Variants in KALRN observed in about 807,000 individuals in gnomAD.
KALRN encodes the protein kalirin.
KALRN carries 70 observed loss-of-function variants against 353.7 expected under a neutral mutation model. That is an observed-to-expected ratio of 0.20 (90% CI 0.16 to 0.24). The LOEUF is 0.24. KALRN is among the 10% of genes least tolerant of loss of function. The pLI is 1.00. For missense variants in KALRN, 2,791 were observed against 3,756.7 expected (o/e 0.74, Z 6.72); for synonymous variants, 1,391 against 1,434.8 (o/e 0.97, Z 0.69).
At chr3:124,455,015 C>A in intron 21 of KALRN, 162 bp from the exon 22 acceptor site, 1 of 657,010 alleles carries the variant, frequency 1.5e-6, no homozygotes, top group Non-Finnish European at 2.6e-6. Flanking sequence ...GTTTCAATAA[C>A]TTGCTCGAGA....
chr3:124,390,187 A>C (rs1412679018), intron 11 of KALRN, among the ~76,000 whole-genome samples: 1 of 152,220 alleles, frequency 6.6e-6, no homozygotes, highest in Admixed American at 6.5e-5. Context: ...GCCCTGCAGA[A>C]ATTGTCATCA....
intron 5 of KALRN, among the ~76,000 whole-genome samples, chr3:124,287,796 T>G (rs1385967742): frequency 1.1e-4 from 2 of 18,284 alleles, no homozygotes; most frequent in Non-Finnish European, 2.5e-4. Flanking sequence ...TATATATATA[T>G]ATATATATAT....
At chr3:124,195,563 C>T (rs2075347420) in intron 1 of KALRN, among the ~76,000 whole-genome samples, 1 of 152,136 alleles carries the variant, frequency 6.6e-6, no homozygotes, top group South Asian at 2.1e-4. Flanking sequence ...TGTAGAATCA[C>T]CTGTCTTATC....
intron 37 of KALRN, among the ~76,000 whole-genome samples, chr3:124,639,470 T>C (rs779674985): frequency 1.3e-5 from 2 of 152,230 alleles, no homozygotes; most frequent in African/African-American, 2.4e-5. Context: ...TCTTTTACAC[T>C]TAGTGGGTTT....
chr3:124,467,971 T>G (rs540760042), intron 25 of KALRN, among the ~76,000 whole-genome samples: 1 of 151,184 alleles, frequency 6.6e-6, no homozygotes, highest in Non-Finnish European at 1.5e-5. Context: ...GTCAGGCAGG[T>G]AGGTAGGTAG....
intron 10 of KALRN, among the ~76,000 whole-genome samples, chr3:124,368,721 T>C (rs1037062111): frequency 2.1e-5 from 3 of 144,206 alleles, no homozygotes; most frequent in Non-Finnish European, 3.0e-5. Flanking sequence ...GGCTGGGAGG[T>C]GTAGGTTGTA....
rs750974 is a variant in KALRN at position 124,284,558 on chromosome 3, C to T, written c.970-14233C>T. Among the ~76,000 whole-genome samples, 5,927 of 152,218 alleles carry T rather than the reference C, an allele frequency of 0.039. 772 individuals carry two copies. The East Asian group carries it at 0.48, about 12-fold the overall frequency. ...TCCTCTACTGTCAGCCCACAGTATA[C>T]GTCTCTTATAGTATTTTTCACATTT... On this transcript the variant is annotated intron_variant, in intron 5 of 59. Coordinates refer to ENST00000682506, the MANE Select transcript of KALRN (RefSeq NM_001388419.1).
chr3:124,239,354 T>C (rs1560325207), intron 3 of KALRN, among the ~76,000 whole-genome samples: 1 of 152,200 alleles, frequency 6.6e-6, no homozygotes, highest in Non-Finnish European at 1.5e-5. Context: ...TGGGTTACTT[T>C]TATTGCATTG....
intron 49 of KALRN, among the ~76,000 whole-genome samples, chr3:124,676,255 GTCATTTTGATTTCTTGTCAGCCGC>G (rs1451483748): frequency 6.6e-6 from 1 of 152,134 alleles, no homozygotes; most frequent in Non-Finnish European, 1.5e-5. Context: ...ATACAAATGG[GTCATTTTGATTTCTTGTCAGCCGC>G]TCTTGCAAAA....
intron 1 of KALRN, among the ~76,000 whole-genome samples, chr3:124,056,200 G>A (rs1291104193): frequency 1.3e-5 from 2 of 152,200 alleles, no homozygotes; most frequent in Non-Finnish European, 2.9e-5. Context: ...AGTTGAGGGG[G>A]CATTTTACAG....
Position 124,693,807 on chromosome 3 carries a change from T to G in KALRN, c.7381T>G (p.Leu2461Val). 3.2e-6 allele frequency: 5 copies of G among 1,569,140 alleles called. No individual in the cohort carries two copies. The highest frequency in any genetic ancestry group is 4.4e-6 in the Non-Finnish European group (5 of 1,146,432). Residue 2461 changes from leucine (L) to valine (V), a missense_variant, in exon 52 of 60, where the codon TTA becomes GTA. Leu to Val is a conservative substitution (Grantham distance 32, BLOSUM62 1). Transcript: ENST00000682506. The part of the protein sequence containing the change: ...DLDPNTSMEI[L>V]NPNFIQEVAP... ...TCTGTGTCTTTTTGTTTTTCAGATC[T>G]TAAATCCAAATTTCATCCAAGAAGG...
intron 32 of KALRN, among the ~76,000 whole-genome samples, chr3:124,493,107 G>T (rs373362187): frequency 6.6e-6 from 1 of 152,144 alleles, no homozygotes; most frequent in African/African-American, 2.4e-5. Context: ...ACTCTGCTAG[G>T]TTCTACAAGA....
chr3:124,308,361 A>G (rs905758355), intron 6 of KALRN, among the ~76,000 whole-genome samples: 1 of 152,036 alleles, frequency 6.6e-6, no homozygotes, highest in Non-Finnish European at 1.5e-5. Context: ...CAACAATAGC[A>G]GACTATATAA....
intron 57 of KALRN, among the ~76,000 whole-genome samples, chr3:124,711,913 G>A (rs1048486927): frequency 6.6e-6 from 1 of 152,146 alleles, no homozygotes. Flanking sequence ...GTGTATATTA[G>A]AAAGTTTCCA....
At chr3:124,113,470 T>C (rs1017152545) in intron 1 of KALRN, among the ~76,000 whole-genome samples, 9 of 152,162 alleles carry the variant, frequency 5.9e-5, no homozygotes, top group African/African-American at 2.2e-4. Flanking sequence ...ATCTGGGCTT[T>C]GAAAGAGGAT....
intron 51 of KALRN, among the ~76,000 whole-genome samples, chr3:124,684,684 C>T (rs2061480534): frequency 6.6e-6 from 1 of 152,208 alleles, no homozygotes; most frequent in African/African-American, 2.4e-5. Context: ...TCCAGCACTT[C>T]TGACTTTGAA....
chr3:124,699,880 T>C lies in KALRN; in HGVS notation c.7843T>C (p.Trp2615Arg). The change falls in exon 56 of 60, where the codon TGG (tryptophan) becomes CGG (arginine). Residue 2615 changes from tryptophan to arginine, a missense_variant. By Grantham distance (101) the Trp-to-Arg change is moderately radical (BLOSUM62 -3). Transcript: ENST00000682506. ...VEYREEGSQI[W>R]QQSVASTLDT... is the part of the protein sequence containing the mutation. ...AAACTGTACACTAGGTTCTCAGATC[T>C]GGCAGCAGTCAGTGGCTTCGACCTT... 1 of 1,614,224 alleles carries C rather than the reference T, an allele frequency of 6.2e-7. No individual in the cohort carries two copies. Among genetic ancestry groups the C allele is most frequent in the South Asian group, 1.1e-5 (1 of 91,086 alleles).
intron 49 of KALRN, chr3:124,677,633 AT>A (rs1306484827): frequency 2.2e-6 from 1 of 456,000 alleles, no homozygotes. Flanking sequence ...TCAACTGTTT[AT>A]TAAGCAAATG....
chr3:124,343,033 G>A (rs1194871414), intron 9 of KALRN, among the ~76,000 whole-genome samples: 1 of 152,162 alleles, frequency 6.6e-6, no homozygotes, highest in African/African-American at 2.4e-5. Flanking sequence ...CCCCCAGCCT[G>A]TCTATCTATA....
Sources: gnomAD v4.1 joint callset for allele counts (sites outside exome capture counted in the v4.1 genomes callset) on GRCh38, gnomAD v4.1.1 for gene constraint, MANE v1.5 for transcripts, NCBI Gene and HGNC (gene_info 2026-07-23, HGNC 2026-07-21) for gene names.